Variants in DPP4 observed in about 807,000 individuals in gnomAD.
The protein encoded by DPP4 is ADCP-2.
Under a neutral mutation model 122.4 loss-of-function variants are expected in DPP4, and 93 were observed. The ratio of observed to expected loss-of-function variants is 0.76; its 90% confidence interval spans 0.64 to 0.90. DPP4 has a LOEUF of 0.90. Ranked by LOEUF, DPP4 falls within the 40% of genes least tolerant of loss-of-function variation. The pLI is 0.00. For missense variants in DPP4, 914 were observed against 907.3 expected (o/e 1.01, Z -0.09); for synonymous variants, 321 against 302.9 (o/e 1.06, Z -0.62).
intron 2 of DPP4, among the ~76,000 whole-genome samples, chr2:162,060,216 A>G (rs1576072034): frequency 6.6e-6 from 1 of 152,318 alleles, no homozygotes; most frequent in Non-Finnish European, 1.5e-5. Flanking sequence ...GGAAGTGTTT[A>G]AATTCATGGT....
At chr2:162,066,080 A>G (rs1456636690) in intron 2 of DPP4, among the ~76,000 whole-genome samples, 2 of 152,188 alleles carry the variant, frequency 1.3e-5, no homozygotes, top group African/African-American at 4.8e-5. Flanking sequence ...GTTAAGCCAG[A>G]GGAACCTCTG....
intron 2 of DPP4, among the ~76,000 whole-genome samples, chr2:162,071,889 T>C (rs762649086): frequency 6.6e-6 from 1 of 152,222 alleles, no homozygotes; most frequent in Non-Finnish European, 1.5e-5. Flanking sequence ...CTTATCAAAG[T>C]ACAGTATTCC....
chr2:162,068,975 A>C (rs1232331590), intron 2 of DPP4, among the ~76,000 whole-genome samples: 2 of 152,192 alleles, frequency 1.3e-5, no homozygotes, highest in African/African-American at 4.8e-5. Context: ...CTTCAGCCCC[A>C]GTCAGGCTTT....
intron 10 of DPP4, among the ~76,000 whole-genome samples, chr2:162,027,348 C>CA (rs3216641): frequency 2.0e-3 from 223 of 111,564 alleles, no homozygotes; most frequent in African/African-American, 2.6e-3. Context: ...GACTCGGTCT[C>CA]AAAAAAAAAA....
In DPP4 at chr2:162,039,180, C is replaced by T. The variant is rs776732004; in HGVS notation, c.371G>A (p.Trp124Ter). The stretch of plus-strand genomic sequence containing the variant: ...ATATGAAGCTGTGTAGGAATGCCTC[C>T]ATTGCTATGAAAGAAAACAGACATT... ...ILLEYNYVKQ[W>*]RHSYTASYDI... Residue 124 changes from tryptophan to a stop codon, truncating the protein, a stop_gained, in exon 6 of 26, where the codon TGG (tryptophan) becomes TAG (stop). Transcript: ENST00000360534. LOFTEE classifies it high-confidence loss of function. 1.6e-5 allele frequency: 25 copies of T among 1,612,328 alleles called. No individual in the cohort carries two copies. The East Asian group carries it at 5.4e-4, about 35-fold the overall frequency.
chr2:162,016,939 C>A, intron 17 of DPP4, 73 bp from the exon 18 acceptor site: 3 of 1,476,472 alleles, frequency 2.0e-6, no homozygotes, highest in Non-Finnish European at 1.9e-6. Flanking sequence ...CAATAATGAG[C>A]AAACATGAAA....
At chr2:162,033,369 C>T (rs1360232910) in intron 10 of DPP4, among the ~76,000 whole-genome samples, 172 bp downstream of exon 10, 1 of 152,118 alleles carries the variant, frequency 6.6e-6, no homozygotes, top group Non-Finnish European at 1.5e-5. Context: ...TTGTGCCCAG[C>T]CTGAGGACGT....
At chr2:162,015,907 C>T (rs527657533) in intron 18 of DPP4, among the ~76,000 whole-genome samples, 5 of 152,288 alleles carry the variant, frequency 3.3e-5, no homozygotes, top group African/African-American at 4.8e-5. Context: ...CTAGCATCAC[C>T]TAGAAGCTTA....
intron 18 of DPP4, 64 bp from the exon 19 acceptor site, chr2:162,014,529 C>T: frequency 1.6e-6 from 2 of 1,226,852 alleles, no homozygotes. Context: ...TTTTGTTCCT[C>T]ATGTCCGTCA....
At chr2:162,025,870 C>G (rs1576047777) in intron 10 of DPP4, among the ~76,000 whole-genome samples, 2 of 152,128 alleles carry the variant, frequency 1.3e-5, no homozygotes, top group East Asian at 3.9e-4. Flanking sequence ...GTATCTCCTC[C>G]CCATCCCAAA....
At chr2:162,053,431 A>AT (rs1175522085) in intron 2 of DPP4, among the ~76,000 whole-genome samples, 5 of 152,242 alleles carry the variant, frequency 3.3e-5, no homozygotes, top group Non-Finnish European at 7.3e-5. Context: ...TAACTTTAAA[A>AT]AAAAAAAACA....
chr2:161,999,044 G>A (rs992964346), intron 23 of DPP4, among the ~76,000 whole-genome samples: 10 of 152,162 alleles, frequency 6.6e-5, no homozygotes, highest in Admixed American at 4.6e-4. Flanking sequence ...CTCTGTGAGA[G>A]GGAGAGAGGC....
chr2:162,039,279 A>T, intron 5 of DPP4, 95 bp from the exon 6 acceptor site: 1 of 1,025,848 alleles, frequency 9.7e-7, no homozygotes, highest in Non-Finnish European at 1.5e-6. Flanking sequence ...GTAATATATG[A>T]TTGTATAATT....
chr2:161,996,076 A>AT (rs1012766924), intron 23 of DPP4, among the ~76,000 whole-genome samples: 16 of 151,474 alleles, frequency 1.1e-4, no homozygotes, highest in African/African-American at 3.4e-4. Context: ...AAGAAATAGG[A>AT]TAAAAAAAAA....
In DPP4 at chr2:162,052,111, G is replaced by A. The variant is rs151181032; in HGVS notation, c.95-4610C>T. ...AGGTGGGCAGATAACCTGAGGTTGGGAGTTCGAGACCAGACTGACCAACAT... is the reference window on the plus strand; with the variant it reads ...AGGTGGGCAGATAACCTGAGGTTGGAAGTTCGAGACCAGACTGACCAACAT... On this transcript the variant is annotated intron_variant, in intron 2 of 25. Transcript: ENST00000360534. 4.0e-3 allele frequency among the ~76,000 whole-genome samples: 603 copies of A among 152,112 alleles called. 3 individuals are homozygous for A. Among genetic ancestry groups the A allele is most frequent in the African/African-American group, 0.012 (513 of 41,482 alleles).
intron 20 of DPP4, among the ~76,000 whole-genome samples, chr2:162,010,758 A>T (rs902372213): frequency 1.3e-5 from 2 of 152,156 alleles, no homozygotes; most frequent in African/African-American, 4.8e-5. Flanking sequence ...GAAAATAGCT[A>T]ATCATTAACT....
At chr2:162,033,683 T>TAAA in intron 9 of DPP4, 30 bp from the exon 10 acceptor site, 1 of 1,469,828 alleles carries the variant, frequency 6.8e-7, no homozygotes, top group Non-Finnish European at 9.2e-7. Context: ...GAATTGGTAT[T>TAAA]GACAAAAAAA....
intron 8 of DPP4, among the ~76,000 whole-genome samples, chr2:162,036,009 A>G (rs1683756571): frequency 6.6e-6 from 1 of 152,164 alleles, no homozygotes; most frequent in Admixed American, 6.6e-5. Context: ...TTTCCAGTAC[A>G]TTGTCGGGCT....
At chr2:162,061,456 T>A (rs1460995660) in intron 2 of DPP4, among the ~76,000 whole-genome samples, 2 of 152,254 alleles carry the variant, frequency 1.3e-5, no homozygotes, top group East Asian at 3.8e-4. Context: ...GTTTATTTTC[T>A]GTACCACATA....
Sources: allele counts gnomAD v4.1 joint callset (sites outside exome capture counted in the v4.1 genomes callset), GRCh38; gene constraint gnomAD v4.1.1; transcripts MANE v1.5; gene names NCBI Gene and HGNC (gene_info 2026-07-23, HGNC 2026-07-21).